Variants in SOHLH1 observed in about 807,000 individuals in gnomAD.
The protein encoded by SOHLH1 is spermatogenesis and oogenesis specific basic helix-loop-helix 1.
A neutral mutation model predicts 36.2 loss-of-function variants in SOHLH1; 23 were observed. That is an observed-to-expected ratio of 0.64 (90% CI 0.46 to 0.90). The LOEUF (loss-of-function observed/expected upper bound fraction) is 0.90, where lower values mean the gene tolerates loss of function less well. Ranked by LOEUF, SOHLH1 falls within the 40% of genes least tolerant of loss-of-function variation. SOHLH1 has a pLI of 0.00. For synonymous variants in SOHLH1, 289 were observed against 228.3 expected (o/e 1.27, Z -2.40); for missense variants, 608 against 517.0 (o/e 1.18, Z -1.71).
intron 2 of SOHLH1, 98 bp from the exon 3 acceptor site, chr9:135,698,574 G>A (rs1834903739): frequency 7.1e-6 from 11 of 1,548,492 alleles, no homozygotes; most frequent in South Asian, 6.8e-5. Context: ...CTGGGCGCTT[G>A]TCAGGCAGAG....
At chr9:135,694,198 A>G in intron 7 of SOHLH1, 189 bp downstream of exon 7, 2 of 1,443,594 alleles carry the variant, frequency 1.4e-6, no homozygotes, top group Non-Finnish European at 9.1e-7. Flanking sequence ...TCACTCACAC[A>G]CTCACATATC....
chr9:135,699,154 C>T, intron 1 of SOHLH1, 28 bp from the exon 2 acceptor site: 6 of 1,570,792 alleles, frequency 3.8e-6, no homozygotes, highest in Non-Finnish European at 5.2e-6. Context: ...AGCACCGGGC[C>T]CTGAGAACCC....
chr9:135,693,609 G>C lies in SOHLH1; in HGVS notation c.1152C>G (p.Phe384Leu), dbSNP rs1024899307. ...KDEVESIFPD[F>L]FAC ...CACAGCCTGGCTGCTAGCAGGCAAA[G>C]AAGTCAGGGAAGATGCTCTCCACCT... Residue 384 changes from phenylalanine (F) to leucine (L), a missense_variant, in exon 8 of 8, where the codon TTC becomes TTG. Phe to Leu is a conservative substitution (Grantham distance 22). Coordinates refer to ENST00000425225, the MANE Select transcript of SOHLH1 (RefSeq NM_001101677.2). The C allele has an allele frequency of 2.5e-6, 4 of 1,574,130 alleles. No individual in the cohort carries two copies. The African/African-American group carries it at 5.4e-5, about 21-fold the overall frequency.
intron 7 of SOHLH1, 44 bp downstream of exon 7, chr9:135,694,343 T>G (rs112329681): frequency 5.6e-6 from 9 of 1,612,082 alleles, no homozygotes; most frequent in African/African-American, 2.7e-5. Context: ...TCATATCAGG[T>G]GCTTACGCGG....
Position 135,694,371 on chromosome 9 carries a change from C to T in SOHLH1, c.946+16G>A. ...TTACGCGGGGGGACCAGCCCTGAAC[C>T]CAGGGCCCCACTCACCCGGCCACGA... On this transcript the variant is annotated intron_variant, in intron 7 of 7. Transcript: ENST00000425225. 3 of 1,611,562 alleles carry T rather than the reference C, an allele frequency of 1.9e-6. No homozygotes were observed. In the African/African-American group the frequency reaches 4.0e-5, roughly 21 times the overall value.
intron 7 of SOHLH1, 30 bp downstream of exon 7, chr9:135,694,357 G>T (rs1554758179): frequency 5.0e-6 from 8 of 1,611,880 alleles, no homozygotes; most frequent in South Asian, 1.1e-5. Flanking sequence ...TACGCGGGGG[G>T]ACCAGCCCTG....
Position 135,695,148 on chromosome 9 carries a change from C to T in SOHLH1, c.777G>A (p.Glu259=). The T allele has an allele frequency of 6.2e-7, 1 of 1,600,102 alleles. No homozygotes were observed. Among genetic ancestry groups the T allele is most frequent in the South Asian group, 1.1e-5 (1 of 88,640 alleles). Residue 259 remains glutamate, a synonymous_variant, in exon 6 of 8, where the codon GAG becomes GAA. Coordinates refer to ENST00000425225, the MANE Select transcript of SOHLH1 (RefSeq NM_001101677.2). ...QQQTLPVMSG[E]ALGWLGQAGP... is the part of the protein sequence containing the mutation. ...CAGCCTGGCCCAGCCAGCCAAGGGC[C>T]TCCCCGCTCATCACGGGCAAGGTCT...
Position 135,696,721 on chromosome 9 carries a change from A to C in SOHLH1, c.552T>G (p.Leu184=). 1 of 1,613,050 alleles carries C rather than the reference A, an allele frequency of 6.2e-7. No individual in the cohort carries two copies. ...CGGGGTCCCACTGCCTGGAGGACGC[A>C]AGGATGTGCGGCACGGGCTCTGGGC... ...SASPEPVPHI[L]ASSRQWDPAS... is the part of the protein sequence containing the mutation. Residue 184 remains leucine, a synonymous_variant, in exon 5 of 8, where the codon CTT becomes CTG. Coordinates refer to ENST00000425225, the MANE Select transcript of SOHLH1 (RefSeq NM_001101677.2).
In SOHLH1 at chr9:135,693,773, G is replaced by A. The variant is rs1400742189; in HGVS notation, c.988C>T (p.Pro330Ser). The A allele has an allele frequency of 3.2e-6, 5 of 1,581,992 alleles. No individual in the cohort carries two copies. The highest frequency in any genetic ancestry group is 3.6e-5 in the Admixed American group (2 of 56,116). ...ACATCCAGTGGACTGCTCTCAGCTGGGGCCCATGCAGGGCCACTGCCTCCT... is the reference window on the plus strand; with the variant it reads ...ACATCCAGTGGACTGCTCTCAGCTGAGGCCCATGCAGGGCCACTGCCTCCT... The part of the protein sequence containing the change: ...GRGGSGPAWA[P>S]AESSPLDVGE... Residue 330 changes from proline (P) to serine (S), a missense_variant, in exon 8 of 8, where the codon CCA (proline) becomes TCA (serine). By Grantham distance (74) the Pro-to-Ser change is moderately conservative (BLOSUM62 -1). Transcript: ENST00000425225.
At chr9:135,694,233 C>T (rs755853562) in intron 7 of SOHLH1, 154 bp downstream of exon 7, 122 of 1,484,646 alleles carry the variant, frequency 8.2e-5, no homozygotes, top group African/African-American at 2.7e-4. Flanking sequence ...ATACCAGACA[C>T]GGCCCAACAG....
Position 135,695,807 on chromosome 9 carries a change from C to T in SOHLH1, c.662-544G>A, listed in dbSNP as rs567315650. Among the ~76,000 whole-genome samples, 11 of 152,270 alleles carry T rather than the reference C, an allele frequency of 7.2e-5. No homozygotes were observed. In the South Asian group the frequency reaches 2.1e-3, roughly 29 times the overall value. Reference sequence around the variant, plus strand: ...GGTCATCAGAGGCGCCCTGCAGGGCCACCCACAGAGGGACCAGAGCTCAGC... The same window carrying T: ...GGTCATCAGAGGCGCCCTGCAGGGCTACCCACAGAGGGACCAGAGCTCAGC... On this transcript the variant is annotated intron_variant, in intron 5 of 7. Coordinates refer to ENST00000425225, the MANE Select transcript of SOHLH1 (RefSeq NM_001101677.2).
rs746004283 is a variant in SOHLH1, at chr9:135,693,786, G to A, written c.975C>T (p.Gly325=). 2 of 1,579,624 alleles carry A rather than the reference G, an allele frequency of 1.3e-6. No homozygotes were observed. Among genetic ancestry groups the A allele is most frequent in the South Asian group, 1.2e-5 (1 of 86,046 alleles). Residue 325 remains glycine (G), a synonymous_variant, in exon 8 of 8, where the codon GGC becomes GGT. Coordinates refer to ENST00000425225, the MANE Select transcript of SOHLH1 (RefSeq NM_001101677.2). ...TGCTCTCAGCTGGGGCCCATGCAGG[G>A]CCACTGCCTCCTCGACCCTCCAGAG... ...PGSLEGRGGS[G]PAWAPAESSP...
Position 135,699,394 on chromosome 9 carries a change from A to G in SOHLH1, c.65+9T>C, listed in dbSNP as rs770716115. On this transcript the variant is annotated intron_variant, in intron 1 of 7. Transcript: ENST00000425225. ...CCCCAACCCCTTGGCCGCCAGCCCA[A>G]TTCCTCACTTGCATCCCCTGACGGT... 5 of 1,610,696 alleles carry G rather than the reference A, an allele frequency of 3.1e-6. No individual in the cohort carries two copies. Among genetic ancestry groups the G allele is most frequent in the Non-Finnish European group, 1.7e-6 (2 of 1,179,192 alleles).
chr9:135,702,031 C>T (rs1361458343), upstream of SOHLH1, among the ~76,000 whole-genome samples: 2 of 95,436 alleles, frequency 2.1e-5, no homozygotes, highest in Admixed American at 2.0e-4. Flanking sequence ...AGCGGATCGC[C>T]CTCCCTACCC....
In SOHLH1 at chr9:135,693,821, G is replaced by C. The variant is rs1588228390; in HGVS notation, c.947-7C>G. The C allele has an allele frequency of 1.3e-6, 2 of 1,558,236 alleles. No homozygotes were observed. The highest frequency in any genetic ancestry group is 1.7e-6 in the Non-Finnish European group (2 of 1,149,196). ...CCTCGACCCTCCAGAGACCCTGGAAGCAAACAGGACACATCGGCAGGGCAG... is the reference window on the plus strand; with the variant it reads ...CCTCGACCCTCCAGAGACCCTGGAACCAAACAGGACACATCGGCAGGGCAG... On this transcript the variant is annotated splice_region_variant and splice_polypyrimidine_tract_variant and intron_variant, in intron 7 of 7. Transcript: ENST00000425225.
chr9:135,696,567 C>T (rs768463568), intron 5 of SOHLH1, 45 bp downstream of exon 5: 16 of 1,603,236 alleles, frequency 1.0e-5, no homozygotes, highest in East Asian at 2.2e-5. Flanking sequence ...AGCCTGGCGC[C>T]GCTCCCCAGG....
At chr9:135,699,555 G>A, upstream of SOHLH1, 12 of 1,424,840 alleles carry the variant, frequency 8.4e-6, no homozygotes, top group Middle Eastern at 2.2e-4. Flanking sequence ...CACCTGCCAC[G>A]TGCTTTCCAC....
chr9:135,696,875 C>A, intron 4 of SOHLH1, 70 bp from the exon 5 acceptor site: 1 of 1,531,736 alleles, frequency 6.5e-7, no homozygotes, highest in Non-Finnish European at 8.9e-7. Context: ...CCCCACCCAC[C>A]CCAAGAGCAG....
chr9:135,697,687 C>A, intron 3 of SOHLH1, 60 bp from the exon 4 acceptor site: 1 of 1,576,792 alleles, frequency 6.3e-7, no homozygotes. Flanking sequence ...AAACCCAAGA[C>A]ACGGTGACAA....
Sources: gnomAD v4.1 joint callset for allele counts (sites outside exome capture counted in the v4.1 genomes callset) on GRCh38, gnomAD v4.1.1 for gene constraint, MANE v1.5 for transcripts, NCBI Gene and HGNC (gene_info 2026-07-23, HGNC 2026-07-21) for gene names.